The following CSMD1 variants were observed in gnomAD, a reference collection of about 807,000 sequenced individuals.
CSMD1 encodes CUB and sushi domain-containing protein 1.
In CSMD1, 213 loss-of-function variants were observed where a neutral mutation model predicts 417.5. The ratio of observed to expected loss-of-function variants is 0.51; its 90% confidence interval spans 0.46 to 0.57. The LOEUF (loss-of-function observed/expected upper bound fraction) is 0.57, where lower values mean the gene tolerates loss of function less well. Among genes scored for constraint, CSMD1 ranks in the 20% least tolerant of loss-of-function variants. CSMD1 has a pLI of 0.00. For synonymous variants in CSMD1, 2,862 were observed against 1,736.8 expected, an observed-to-expected ratio of 1.65 and a Z score of -16.11; for missense variants, 6,923 against 4,529.7, an observed-to-expected ratio of 1.53 and a Z score of -15.17.
rs190240554 is a variant in CSMD1, at chr8:3,261,185, C to T, written c.4153+22959G>A. Among the ~76,000 whole-genome samples the T allele has an allele frequency of 1.0e-3, 154 of 152,164 alleles. 2 individuals are homozygous for T. The highest frequency in any genetic ancestry group is 2.9e-3 in the African/African-American group (119 of 41,510). ...TATGTTTTCTAAATGATGTAAATAC[C>T]ATAGACAATTTTATATCGTCTGTAA... On this transcript the variant is annotated intron_variant, in intron 26 of 69. Transcript: ENST00000635120.
At chr8:3,658,913 C>A (rs1398282000) in intron 7 of CSMD1, among the ~76,000 whole-genome samples, 1 of 152,088 alleles carries the variant, frequency 6.6e-6, no homozygotes, top group Admixed American at 6.6e-5. Flanking sequence ...TTAATAATTC[C>A]ATTCTTGACC....
intron 11 of CSMD1, among the ~76,000 whole-genome samples, chr8:3,475,158 C>G (rs1020341260): frequency 2.6e-5 from 4 of 151,576 alleles, no homozygotes; most frequent in Admixed American, 6.6e-5. Context: ...AGGATTCTCG[C>G]TGGGCATTTC....
intron 41 of CSMD1, among the ~76,000 whole-genome samples, chr8:3,139,610 A>G (rs1171730559): frequency 6.6e-6 from 1 of 152,222 alleles, no homozygotes; most frequent in Non-Finnish European, 1.5e-5. Flanking sequence ...GAGAATGTTT[A>G]CATAAGTTTT....
chr8:4,970,174 G>C (rs1219018501), intron 1 of CSMD1, among the ~76,000 whole-genome samples: 1 of 152,128 alleles, frequency 6.6e-6, no homozygotes, highest in Non-Finnish European at 1.5e-5. Flanking sequence ...GGTACACAGT[G>C]TAGAGGGAGA....
At chr8:3,424,733 G>T (rs1044863571) in intron 12 of CSMD1, among the ~76,000 whole-genome samples, 2 of 152,118 alleles carry the variant, frequency 1.3e-5, no homozygotes, top group Non-Finnish European at 2.9e-5. Flanking sequence ...TGATTATCAG[G>T]TCAACTGTCA....
In CSMD1 at chr8:3,419,122, A is replaced by G. The variant is rs58203164; in HGVS notation, c.1562-9517T>C. On this transcript the variant is annotated intron_variant, in intron 12 of 69. Coordinates refer to ENST00000635120, the MANE Select transcript of CSMD1 (RefSeq NM_033225.6). ...AACCTCATGGAGGTCGAGGCTTCTC[A>G]ATGACGCAAGCTGCGCTGTTCTCTA... Among the ~76,000 whole-genome samples the G allele has an allele frequency of 9.3e-3, 1,414 of 152,292 alleles. 78 individuals are homozygous for G. The South Asian group carries it at 0.14, about 15-fold the overall frequency.
chr8:3,803,748 G>C (rs1563096542), intron 5 of CSMD1, among the ~76,000 whole-genome samples: 2 of 152,284 alleles, frequency 1.3e-5, no homozygotes, highest in South Asian at 4.1e-4. Context: ...GACGAATCTT[G>C]ATTAGGGTCC....
At chr8:4,960,556 G>C (rs1033206211) in intron 1 of CSMD1, among the ~76,000 whole-genome samples, 1 of 152,130 alleles carries the variant, frequency 6.6e-6, no homozygotes. Context: ...ATGTTAAAAA[G>C]TATCCTGCAA....
intron 26 of CSMD1, among the ~76,000 whole-genome samples, chr8:3,254,464 G>A (rs1800498058): frequency 1.3e-5 from 2 of 152,200 alleles, no homozygotes; most frequent in Admixed American, 6.5e-5. Context: ...ATATCCTGCA[G>A]AGTGTTTTCC....
rs2116795858 is a variant in CSMD1, at chr8:4,844,241, T to C, written c.85+150091A>G. Among the ~76,000 whole-genome samples, 3 of 152,306 alleles carry C rather than the reference T, an allele frequency of 2.0e-5. No individual in the cohort carries two copies. In the East Asian group the frequency reaches 5.8e-4, roughly 29 times the overall value. On this transcript the variant is annotated intron_variant, in intron 1 of 69. Transcript: ENST00000635120. ...TAATTTCAAGTAGTAAGGTTACATT[T>C]TCCAGCTAAAACTAGCATTTGGGGA...
At chr8:3,936,767 C>A (rs531497963) in intron 5 of CSMD1, among the ~76,000 whole-genome samples, 2 of 152,212 alleles carry the variant, frequency 1.3e-5, no homozygotes, top group South Asian at 2.1e-4. Flanking sequence ...CCAAGAAACA[C>A]GAAAAACTTT....
At chr8:3,441,992 A>G (rs1423565710) in intron 12 of CSMD1, among the ~76,000 whole-genome samples, 3 of 152,084 alleles carry the variant, frequency 2.0e-5, no homozygotes, top group South Asian at 4.1e-4. Context: ...GAGGCGGAAG[A>G]CAGTGTGTAG....
intron 1 of CSMD1, among the ~76,000 whole-genome samples, chr8:4,706,317 T>C (rs889309414): frequency 7.2e-5 from 11 of 152,032 alleles, no homozygotes; most frequent in African/African-American, 2.7e-4. Context: ...AAATAAGAAA[T>C]AAATAAAATA....
At chr8:4,653,336 A>C (rs1804027778) in intron 1 of CSMD1, among the ~76,000 whole-genome samples, 1 of 152,002 alleles carries the variant, frequency 6.6e-6, no homozygotes, top group Non-Finnish European at 1.5e-5. Flanking sequence ...GTTTAAGTAG[A>C]CTCAAGTAGG....
At chr8:4,221,807 C>G (rs749808711) in intron 3 of CSMD1, among the ~76,000 whole-genome samples, 2 of 152,182 alleles carry the variant, frequency 1.3e-5, no homozygotes, top group Non-Finnish European at 2.9e-5. Flanking sequence ...CTCCAAATCT[C>G]CTTTTCCTAC....
intron 1 of CSMD1, among the ~76,000 whole-genome samples, chr8:4,766,349 G>C (rs955467582): frequency 1.3e-5 from 2 of 152,164 alleles, no homozygotes; most frequent in Non-Finnish European, 2.9e-5. Flanking sequence ...GTGTAAGGTT[G>C]TTAGGACACA....
intron 1 of CSMD1, among the ~76,000 whole-genome samples, chr8:4,841,782 A>G (rs572171997): frequency 6.6e-6 from 1 of 151,800 alleles, no homozygotes. Flanking sequence ...GTGGTGGCAC[A>G]TGCCTGTAAT....
chr8:4,814,595 T>C (rs928765962), intron 1 of CSMD1, among the ~76,000 whole-genome samples: 29 of 152,286 alleles, frequency 1.9e-4, no homozygotes, highest in African/African-American at 7.0e-4. Context: ...ATTAGGCAAA[T>C]AATAAAGCTA....
At chr8:4,307,584 T>A (rs1170974051) in intron 3 of CSMD1, among the ~76,000 whole-genome samples, 2 of 152,180 alleles carry the variant, frequency 1.3e-5, no homozygotes, top group African/African-American at 4.8e-5. Flanking sequence ...GTTTACAGAG[T>A]CCAGCCTCTG....
Sources: allele counts gnomAD v4.1 joint callset (sites outside exome capture counted in the v4.1 genomes callset), GRCh38; gene constraint gnomAD v4.1.1; transcripts MANE v1.5; gene names NCBI Gene and HGNC (gene_info 2026-07-23, HGNC 2026-07-21).